Variants in SLC39A11 observed in about 807,000 individuals in gnomAD.
The protein encoded by SLC39A11 is zinc transporter ZIP11.
Under a neutral mutation model 36.1 loss-of-function variants are expected in SLC39A11, and 33 were observed. The observed-to-expected ratio is 0.91, with a 90% CI of 0.69 to 1.22. The LOEUF is 1.22. Among genes scored for constraint, SLC39A11 ranks in the 50% most tolerant of loss-of-function variants. The probability of loss-of-function intolerance (pLI) is 0.00; values close to 1 mark genes in which losing one functional copy is unlikely to be tolerated. For missense variants in SLC39A11, 432 were observed against 430.3 expected, an observed-to-expected ratio of 1.00 and a Z score of -0.03; for synonymous variants, 166 against 170.3, an observed-to-expected ratio of 0.97 and a Z score of 0.20.
At chr17:72,924,616 C>CA (rs1399533476) in intron 5 of SLC39A11, among the ~76,000 whole-genome samples, 1 of 152,074 alleles carries the variant, frequency 6.6e-6, no homozygotes, top group East Asian at 1.9e-4. Flanking sequence ...AGAAAGCTAC[C>CA]AAGTCCCCAA....
chr17:73,046,866 G>C (rs569235739), intron 3 of SLC39A11, among the ~76,000 whole-genome samples: 1 of 151,984 alleles, frequency 6.6e-6, no homozygotes, highest in African/African-American at 2.4e-5. Context: ...GCTTGAGCCC[G>C]GGCGGTTGAG....
At chr17:72,676,117 G>C (rs149297808) in intron 7 of SLC39A11, among the ~76,000 whole-genome samples, 4,316 of 150,286 alleles carry the variant, frequency 0.029, 90 homozygotes, top group Non-Finnish European at 0.045. Flanking sequence ...CTGTATTAAA[G>C]CAACTCTCTT....
intron 5 of SLC39A11, among the ~76,000 whole-genome samples, chr17:72,896,440 G>A (rs1343053532): frequency 6.6e-6 from 1 of 151,894 alleles, no homozygotes; most frequent in Non-Finnish European, 1.5e-5. Flanking sequence ...GACCTCAAGT[G>A]ATCTGCCCGC....
At chr17:72,953,241 C>G (rs956047610) in intron 4 of SLC39A11, among the ~76,000 whole-genome samples, 3 of 151,558 alleles carry the variant, frequency 2.0e-5, no homozygotes, top group African/African-American at 4.9e-5. Flanking sequence ...ATCCCTGGCT[C>G]GGAATAAACA....
At chr17:72,873,988 G>A (rs1326578763) in intron 5 of SLC39A11, among the ~76,000 whole-genome samples, 8 of 152,144 alleles carry the variant, frequency 5.3e-5, no homozygotes. Context: ...CTGTGAAGAG[G>A]TGCCTTCCAC....
chr17:72,823,039 A>G (rs1229142362), intron 6 of SLC39A11, among the ~76,000 whole-genome samples: 1 of 151,142 alleles, frequency 6.6e-6, no homozygotes, highest in Non-Finnish European at 1.5e-5. Context: ...CCTGGTCCTA[A>G]ACTTTCAAAT....
chr17:72,930,340 C>G (rs1481704493), intron 5 of SLC39A11, among the ~76,000 whole-genome samples: 1 of 152,116 alleles, frequency 6.6e-6, no homozygotes, highest in Non-Finnish European at 1.5e-5. Context: ...GCTGCTTAAT[C>G]CCATAACTAG....
chr17:72,861,364 T>C (rs2079972494), intron 5 of SLC39A11, among the ~76,000 whole-genome samples: 1 of 152,154 alleles, frequency 6.6e-6, no homozygotes, highest in Admixed American at 6.5e-5. Flanking sequence ...TTCAAGATAG[T>C]CTACACTGCT....
At chr17:72,838,395 G>GT (rs2078664287) in intron 6 of SLC39A11, among the ~76,000 whole-genome samples, 2 of 151,758 alleles carry the variant, frequency 1.3e-5, no homozygotes, top group Admixed American at 6.6e-5. Context: ...CACCTGGCTA[G>GT]TTTTTTAATT....
At chr17:72,797,155 G>C (rs548540251) in intron 6 of SLC39A11, among the ~76,000 whole-genome samples, 1 of 152,234 alleles carries the variant, frequency 6.6e-6, no homozygotes, top group South Asian at 2.1e-4. Context: ...CCTACAAGGG[G>C]TTTACCATCT....
At chr17:73,080,450 G>T (rs2060473100) in intron 3 of SLC39A11, among the ~76,000 whole-genome samples, 1 of 152,070 alleles carries the variant, frequency 6.6e-6, no homozygotes, top group Non-Finnish European at 1.5e-5. Flanking sequence ...GAACAAAACT[G>T]GATCCTCATC....
intron 5 of SLC39A11, among the ~76,000 whole-genome samples, chr17:72,900,109 A>G (rs200532510): frequency 9.5e-6 from 1 of 104,966 alleles, no homozygotes; most frequent in African/African-American, 5.8e-5. Context: ...GAAAGAAAGA[A>G]AAAGAAAGAA....
At chr17:73,025,251 G>A (rs1033481133) in intron 4 of SLC39A11, among the ~76,000 whole-genome samples, 1 of 152,156 alleles carries the variant, frequency 6.6e-6, no homozygotes, top group Non-Finnish European at 1.5e-5. Context: ...CAGCCTCAGG[G>A]TCACAGGCAC....
At chr17:72,653,553 C>T (rs1363290917) in intron 7 of SLC39A11, among the ~76,000 whole-genome samples, 5 of 151,974 alleles carry the variant, frequency 3.3e-5, no homozygotes, top group Admixed American at 2.0e-4. Flanking sequence ...GATTCTCCTG[C>T]CTCAGCCTCC....
At chr17:73,087,262 C>T (rs571991219) in intron 2 of SLC39A11, among the ~76,000 whole-genome samples, 1 of 151,182 alleles carries the variant, frequency 6.6e-6, no homozygotes, top group East Asian at 1.9e-4. Flanking sequence ...CAGTCTCCAA[C>T]CCATCAGCTC....
chr17:72,963,892 C>G (rs1026643923), intron 4 of SLC39A11, among the ~76,000 whole-genome samples: 1 of 152,122 alleles, frequency 6.6e-6, no homozygotes. Flanking sequence ...AATTTCTTCT[C>G]AAATCAGAAG....
intron 5 of SLC39A11, among the ~76,000 whole-genome samples, chr17:72,911,981 G>A (rs558799337): frequency 1.3e-5 from 2 of 152,206 alleles, no homozygotes; most frequent in South Asian, 4.1e-4. Context: ...TGAAAATGCA[G>A]GGCTGGTGCT....
At chr17:72,738,534 C>A (rs1320352235) in intron 6 of SLC39A11, among the ~76,000 whole-genome samples, 1 of 152,062 alleles carries the variant, frequency 6.6e-6, no homozygotes, top group Admixed American at 6.6e-5. Flanking sequence ...TGCTGGTCTG[C>A]GTGTATCTGA....
At chr17:72,885,682 A>T (rs1456829634) in intron 5 of SLC39A11, among the ~76,000 whole-genome samples, 3 of 152,236 alleles carry the variant, frequency 2.0e-5, no homozygotes, top group African/African-American at 7.2e-5. Context: ...CTTTAGTACC[A>T]CTGGCACCTC....
Sources: allele counts gnomAD v4.1 joint callset (sites outside exome capture counted in the v4.1 genomes callset), GRCh38; gene constraint gnomAD v4.1.1; transcripts MANE v1.5; gene names NCBI Gene and HGNC (gene_info 2026-07-23, HGNC 2026-07-21).